SLC26A7: variants seen among roughly 807,000 people sequenced by gnomAD.
SLC26A7 encodes the protein solute carrier family 26 member 7.
In SLC26A7, 59 loss-of-function variants were observed where a neutral mutation model predicts 82.5. The observed-to-expected ratio is 0.72, with a 90% CI of 0.58 to 0.89. SLC26A7 has a LOEUF of 0.89. SLC26A7 is among the 40% of genes least tolerant of loss of function. The probability of loss-of-function intolerance (pLI) is 0.00; values close to 1 mark genes in which losing one functional copy is unlikely to be tolerated. For missense variants in SLC26A7, 820 were observed against 793.0 expected, an observed-to-expected ratio of 1.03 and a Z score of -0.41; for synonymous variants, 271 against 274.3, an observed-to-expected ratio of 0.99 and a Z score of 0.12.
chr8:91,339,685 T>G (rs1789001859), intron 7 of SLC26A7, among the ~76,000 whole-genome samples: 1 of 151,350 alleles, frequency 6.6e-6, no homozygotes, highest in South Asian at 2.1e-4. Context: ...TGGGTAAGTC[T>G]CCCAAAGAAT....
chr8:91,371,261 G>A (rs1220457628), intron 15 of SLC26A7, among the ~76,000 whole-genome samples: 1 of 151,704 alleles, frequency 6.6e-6, no homozygotes, highest in Non-Finnish European at 1.5e-5. Context: ...GTCAATTATG[G>A]ATCTATTTTT....
At chr8:91,297,182 T>C (rs1812039484) in intron 4 of SLC26A7, among the ~76,000 whole-genome samples, 1 of 152,120 alleles carries the variant, frequency 6.6e-6, no homozygotes, top group African/African-American at 2.4e-5. Context: ...AAACAAGTAG[T>C]TTTAGGTTGT....
chr8:91,323,994 T>C (rs1812868030), intron 5 of SLC26A7, among the ~76,000 whole-genome samples: 1 of 151,824 alleles, frequency 6.6e-6, no homozygotes, highest in Non-Finnish European at 1.5e-5. Context: ...GCCTGGGTAA[T>C]TTTTGTATTT....
Position 91,393,989 on chromosome 8 carries a change from A to AT in SLC26A7, c.1893dup (p.Glu632Ter), listed in dbSNP as rs762022055. 1.7e-5 allele frequency: 28 copies of AT among 1,613,144 alleles called. No individual in the cohort carries two copies. The highest frequency in any genetic ancestry group is 1.0e-4 in the Admixed American group (6 of 59,952). ...TGGAAACCTAGACTCAGAGAAACCAATTTTTTTTGAATCGGTATCTGCTGC... is the reference window on the plus strand; with the variant it reads ...TGGAAACCTAGACTCAGAGAAACCAATTTTTTTTTGAATCGGTATCTGCTGC... On this transcript the variant is annotated frameshift_variant, in exon 18 of 19. Transcript: ENST00000276609. LOFTEE classifies it high-confidence loss of function.
chr8:91,299,566 A>G (rs1389932386), intron 4 of SLC26A7, among the ~76,000 whole-genome samples: 2 of 147,204 alleles, frequency 1.4e-5, no homozygotes, highest in African/African-American at 5.4e-5. Flanking sequence ...CTTTACCTCT[A>G]TAACTTAAGA....
chr8:91,279,125 G>GTGTATATA (rs1382744780), intron 2 of SLC26A7, among the ~76,000 whole-genome samples: 68 of 111,238 alleles, frequency 6.1e-4, no homozygotes, highest in African/African-American at 2.2e-3. Context: ...GTGTGTGTGT[G>GTGTATATA]TATATATATA....
chr8:91,294,479 T>C (rs889779761), intron 3 of SLC26A7, among the ~76,000 whole-genome samples: 2 of 152,198 alleles, frequency 1.3e-5, no homozygotes, highest in African/African-American at 4.8e-5. Context: ...GTTTGACTCA[T>C]GTCTCTCTTG....
chr8:91,250,625 A>G (rs1810633093), intron 2 of SLC26A7, among the ~76,000 whole-genome samples: 1 of 152,136 alleles, frequency 6.6e-6, no homozygotes, highest in African/African-American at 2.4e-5. Flanking sequence ...GAAAGGAACT[A>G]ATTTCTGAAC....
intron 18 of SLC26A7, 45 bp from the exon 19 acceptor site, chr8:91,395,017 A>G: frequency 6.3e-7 from 1 of 1,589,776 alleles, no homozygotes; most frequent in African/African-American, 1.3e-5. Context: ...CCAATTTAAG[A>G]GTTGAGTAAA....
intron 2 of SLC26A7, among the ~76,000 whole-genome samples, chr8:91,239,737 T>A (rs1810449051): frequency 6.6e-6 from 1 of 152,178 alleles, no homozygotes; most frequent in Non-Finnish European, 1.5e-5. Context: ...TTTGTTGACA[T>A]AGGATTGACA....
intron 12 of SLC26A7, among the ~76,000 whole-genome samples, chr8:91,362,693 A>C (rs1026862551): frequency 6.6e-6 from 1 of 152,092 alleles, no homozygotes; most frequent in Non-Finnish European, 1.5e-5. Flanking sequence ...AACGTGATAA[A>C]ATAGAATATA....
At chr8:91,264,034 AAG>A (rs1811042593) in intron 2 of SLC26A7, among the ~76,000 whole-genome samples, 1 of 151,984 alleles carries the variant, frequency 6.6e-6, no homozygotes, top group South Asian at 2.1e-4. Flanking sequence ...CTCAGCCAAA[AAG>A]AGATGAAATT....
At chr8:91,251,143 CT>C (rs1563643792) in intron 2 of SLC26A7, among the ~76,000 whole-genome samples, 2 of 151,836 alleles carry the variant, frequency 1.3e-5, no homozygotes, top group South Asian at 4.2e-4. Context: ...AAAATAATTT[CT>C]TTTTTTACCT....
intron 2 of SLC26A7, among the ~76,000 whole-genome samples, chr8:91,263,130 A>G (rs1811013230): frequency 6.6e-6 from 1 of 152,200 alleles, no homozygotes; most frequent in African/African-American, 2.4e-5. Flanking sequence ...TGGCTCTGAA[A>G]GGTAATTCTC....
chr8:91,323,748 G>A (rs1190659308), intron 5 of SLC26A7, among the ~76,000 whole-genome samples: 1 of 149,738 alleles, frequency 6.7e-6, no homozygotes, highest in East Asian at 2.0e-4. Context: ...TTGGGATTTT[G>A]TTTGTACTGA....
At chr8:91,252,193 A>G (rs937738243) in intron 2 of SLC26A7, among the ~76,000 whole-genome samples, 1 of 152,176 alleles carries the variant, frequency 6.6e-6, no homozygotes, top group Middle Eastern at 3.4e-3. Context: ...TGAATTATAT[A>G]AAATTGTCCA....
rs1563639551 is a variant in SLC26A7 at position 91,239,797 on chromosome 8, G to GACTAC, written c.-33-9822_-33-9821insACTAC. ...AGGGGCTAAGTAGACAGGTTTGAAAGGGACTACAAACTGGGTAAGATTGTC... is the reference window on the plus strand; with the variant it reads ...AGGGGCTAAGTAGACAGGTTTGAAAGACTACGGACTACAAACTGGGTAAGATTGTC... On this transcript the variant is annotated intron_variant, in intron 2 of 5. Transcript: ENST00000522862. 1.8e-3 allele frequency among the ~76,000 whole-genome samples: 274 copies of GACTAC among 152,266 alleles called. 2 individuals carry two copies. The highest frequency in any genetic ancestry group is 5.6e-3 in the Admixed American group (86 of 15,292).
intron 5 of SLC26A7, among the ~76,000 whole-genome samples, chr8:91,324,053 C>G (rs1812869786): frequency 6.6e-6 from 1 of 152,028 alleles, no homozygotes; most frequent in East Asian, 1.9e-4. Context: ...TCTTGAACTC[C>G]TGTCGTCATG....
chr8:91,278,065 A>T (rs765559154), intron 2 of SLC26A7, among the ~76,000 whole-genome samples: 11 of 152,304 alleles, frequency 7.2e-5, no homozygotes, highest in African/African-American at 2.6e-4. Context: ...CTTCTAGACC[A>T]TCTTTCAGTG....
Sources: allele counts gnomAD v4.1 joint callset (sites outside exome capture counted in the v4.1 genomes callset), GRCh38; gene constraint gnomAD v4.1.1; transcripts MANE v1.5; gene names NCBI Gene and HGNC (gene_info 2026-07-23, HGNC 2026-07-21).